The following PTPRK variants were observed in gnomAD, a reference collection of about 807,000 sequenced individuals.
PTPRK encodes protein tyrosine phosphatase receptor type K.
A neutral mutation model predicts 178.0 loss-of-function variants in PTPRK; 75 were observed. That is an observed-to-expected ratio of 0.42 (90% CI 0.35 to 0.51). PTPRK has a LOEUF of 0.51. Among genes scored for constraint, PTPRK ranks in the 20% least tolerant of loss-of-function variants. The pLI is 0.02. For missense variants in PTPRK, 1,441 were observed against 1,797.8 expected (o/e 0.80, Z 3.59); for synonymous variants, 637 against 620.6 (o/e 1.03, Z -0.39).
intron 3 of PTPRK, among the ~76,000 whole-genome samples, chr6:128,302,739 T>C (rs542915799): frequency 6.6e-6 from 1 of 152,290 alleles, no homozygotes; most frequent in East Asian, 1.9e-4. Flanking sequence ...AATGTTGGTA[T>C]TCATGAACCC....
At chr6:128,304,715 T>C (rs1030983016) in intron 3 of PTPRK, among the ~76,000 whole-genome samples, 1 of 152,224 alleles carries the variant, frequency 6.6e-6, no homozygotes, top group African/African-American at 2.4e-5. Context: ...TCTCCAGATT[T>C]ATTTGTTCAA....
chr6:128,506,416 A>T (rs1418653406), intron 1 of PTPRK, among the ~76,000 whole-genome samples: 1 of 151,988 alleles, frequency 6.6e-6, no homozygotes, highest in Non-Finnish European at 1.5e-5. Context: ...ACCTCCCTCA[A>T]CCTACCTAGA....
chr6:128,039,098 T>A (rs1258281264), intron 13 of PTPRK, among the ~76,000 whole-genome samples: 1 of 152,190 alleles, frequency 6.6e-6, no homozygotes. Flanking sequence ...CCTGACAATA[T>A]TGCTTCTAGG....
rs116534013 is a variant in PTPRK, at chr6:128,370,145, T to A, written c.223+27421A>T. On this transcript the variant is annotated intron_variant, in intron 2 of 29. Coordinates refer to ENST00000368226, the MANE Select transcript of PTPRK (RefSeq NM_002844.4). ...ATAACAGAATCAAAATAAATATTTTTAAAATAAGTATTAAAACAAAAAGTG... is the reference window on the plus strand; with the variant it reads ...ATAACAGAATCAAAATAAATATTTTAAAAATAAGTATTAAAACAAAAAGTG... 2.2e-3 allele frequency among the ~76,000 whole-genome samples: 338 copies of A among 152,214 alleles called. 1 individual carries two copies. Among genetic ancestry groups the A allele is most frequent in the African/African-American group, 7.5e-3 (311 of 41,564 alleles).
chr6:128,224,267 A>G (rs964160456), intron 5 of PTPRK, among the ~76,000 whole-genome samples: 3 of 152,194 alleles, frequency 2.0e-5, no homozygotes, highest in Non-Finnish European at 2.9e-5. Flanking sequence ...TTTGTCTCCA[A>G]TACAAGTTGC....
intron 11 of PTPRK, among the ~76,000 whole-genome samples, chr6:128,075,682 T>C (rs1208720377): frequency 6.6e-6 from 1 of 152,062 alleles, no homozygotes; most frequent in African/African-American, 2.4e-5. Context: ...AGAATGTTAT[T>C]GAGTCAACAA....
intron 7 of PTPRK, among the ~76,000 whole-genome samples, chr6:128,117,500 T>C (rs966744896): frequency 2.0e-5 from 3 of 152,144 alleles, no homozygotes; most frequent in Admixed American, 6.5e-5. Context: ...GCAACAAAAA[T>C]AGTTGTTCCC....
intron 1 of PTPRK, among the ~76,000 whole-genome samples, chr6:128,424,488 G>A (rs950943392): frequency 6.6e-6 from 1 of 152,112 alleles, no homozygotes; most frequent in African/African-American, 2.4e-5. Flanking sequence ...AGTGCGATGT[G>A]GAAGTTCAGA....
intron 6 of PTPRK, among the ~76,000 whole-genome samples, chr6:128,196,664 G>A (rs1212630718): frequency 6.6e-6 from 1 of 152,096 alleles, no homozygotes; most frequent in Non-Finnish European, 1.5e-5. Context: ...ATAGTTTCTA[G>A]AGCACAAGTA....
At chr6:128,330,443 G>C (rs72972086) in intron 2 of PTPRK, among the ~76,000 whole-genome samples, 1 of 151,814 alleles carries the variant, frequency 6.6e-6, no homozygotes, top group Non-Finnish European at 1.5e-5. Flanking sequence ...AGGACTCAAT[G>C]ATCAAACTAG....
rs1323325395 is a variant in PTPRK, at chr6:128,321,816, C to T, written c.495+223G>A. On this transcript the variant is annotated intron_variant, in intron 3 of 29. Transcript: ENST00000368226. ...TTTGAAGGTTTTGTGCCAATGTCTC[C>T]AAACACTTCCTCATCAACAGGGTGG... 4 of 722,046 alleles carry T rather than the reference C, an allele frequency of 5.5e-6. No homozygotes were observed. In the South Asian group the frequency reaches 5.9e-5, roughly 11 times the overall value. 44.7% of individuals were successfully genotyped at this position (722,046 alleles called of 1,614,324 possible).
chr6:128,210,574 T>A (rs539460408), intron 6 of PTPRK, among the ~76,000 whole-genome samples: 1 of 152,106 alleles, frequency 6.6e-6, no homozygotes, highest in South Asian at 2.1e-4. Flanking sequence ...GAGACAGAAG[T>A]ATACTCGGAA....
intron 15 of PTPRK, chr6:128,003,178 T>C (rs1285092141): frequency 1.3e-6 from 2 of 1,593,682 alleles, no homozygotes; most frequent in African/African-American, 1.3e-5. Flanking sequence ...GAAAAGATGA[T>C]AAAGATTTAG....
At chr6:128,318,606 T>C (rs981223929) in intron 3 of PTPRK, among the ~76,000 whole-genome samples, 2 of 152,194 alleles carry the variant, frequency 1.3e-5, no homozygotes, top group African/African-American at 4.8e-5. Flanking sequence ...ACCCAGTTAA[T>C]GGAAAACAGT....
rs577772747 is a variant in PTPRK, at chr6:128,133,767, G to A, written c.1163-43775C>T. Among the ~76,000 whole-genome samples the A allele has an allele frequency of 2.0e-5, 3 of 148,878 alleles. No individual in the cohort carries two copies. In the East Asian group the frequency reaches 5.9e-4, roughly 29 times the overall value. ...AGGGTCTCGCTATGTTGCTCAGGCT[G>A]TTCTCGAACTCTTGGGCTCAAGTGA... On this transcript the variant is annotated intron_variant, in intron 7 of 29. Coordinates refer to ENST00000368226, the MANE Select transcript of PTPRK (RefSeq NM_002844.4).
intron 1 of PTPRK, among the ~76,000 whole-genome samples, chr6:128,461,985 G>A (rs1333260818): frequency 6.6e-6 from 1 of 152,070 alleles, no homozygotes; most frequent in Non-Finnish European, 1.5e-5. Context: ...CAGAAGATTT[G>A]TTGGTATTTT....
At chr6:128,390,085 T>A (rs573606445) in intron 2 of PTPRK, among the ~76,000 whole-genome samples, 5 of 152,236 alleles carry the variant, frequency 3.3e-5, no homozygotes, top group African/African-American at 4.8e-5. Context: ...AATAGACAGA[T>A]GATAACATGG....
intron 5 of PTPRK, among the ~76,000 whole-genome samples, chr6:128,229,544 C>T (rs2128278283): frequency 6.6e-6 from 1 of 152,162 alleles, no homozygotes; most frequent in African/African-American, 2.4e-5. Context: ...TAAAACTAAA[C>T]AGGACATCAT....
chr6:128,082,399 C>T (rs1264774671), intron 10 of PTPRK, 38 bp downstream of exon 10: 2 of 1,536,282 alleles, frequency 1.3e-6, no homozygotes, highest in Non-Finnish European at 1.8e-6. Context: ...AAACCAATGG[C>T]ATAATCAATC....
Sources: allele counts gnomAD v4.1 joint callset (sites outside exome capture counted in the v4.1 genomes callset), GRCh38; gene constraint gnomAD v4.1.1; transcripts MANE v1.5; gene names NCBI Gene and HGNC (gene_info 2026-07-23, HGNC 2026-07-21).